NAV2: variants seen among roughly 807,000 people sequenced by gnomAD.
NAV2 encodes neuron navigator 2, also known as helicase, APC down-regulated 1.
Under a neutral mutation model 223.2 loss-of-function variants are expected in NAV2, and 54 were observed. The observed-to-expected ratio is 0.24, with a 90% confidence interval of 0.19 to 0.30. The LOEUF (loss-of-function observed/expected upper bound fraction) is 0.30, where lower values mean the gene tolerates loss of function less well. Among genes scored for constraint, NAV2 ranks in the 10% least tolerant of loss-of-function variants. The pLI, the probability that NAV2 is intolerant of heterozygous loss-of-function variation, is 1.00. For missense variants in NAV2, 2,806 were observed against 3,147.5 expected, an observed-to-expected ratio of 0.89 and a Z score of 2.60; for synonymous variants, 1,279 against 1,239.3, an observed-to-expected ratio of 1.03 and a Z score of -0.67.
chr11:19,879,970 C>T lies in NAV2; in HGVS notation c.613C>T (p.Pro205Ser). Residue 205 changes from proline (P) to serine (S), a missense_variant, in exon 5 of 38, where the codon CCT becomes TCT. By Grantham distance (74) the Pro-to-Ser change is moderately conservative (BLOSUM62 -1). Around this residue, in one of 4 missense-constraint regions of NAV2, gnomAD observed 1,167 missense variants for 1,180.5 expected, o/e 0.99. Coordinates refer to ENST00000349880, the MANE Select transcript of NAV2 (RefSeq NM_145117.5). Reference protein sequence around the residue: ...QQPQKQHLSSPLPPAVSQVAG... With the variant: ...QQPQKQHLSSSLPPAVSQVAG... ...GCCCCAGAAGCAGCACCTCTCCTCA[C>T]CTCTGCCGCCCGCCGTATCCCAGGT... The T allele has an allele frequency of 3.7e-6, 6 of 1,611,206 alleles. No homozygotes were observed. The highest frequency in any genetic ancestry group is 5.1e-6 in the Non-Finnish European group (6 of 1,178,898).
rs2063384013 is a variant in NAV2 at position 20,119,810 on chromosome 11, C to A, written c.*1552C>A. On this transcript the variant is annotated 3_prime_UTR_variant, in exon 38 of 38. Transcript: ENST00000349880. ...AGACTCATTTGTGTGGATGCGTGAC[C>A]ATGGGAAAAAGAAAAAAAAAAAGAT... 1 of 151,596 alleles carries A rather than the reference C, an allele frequency of 6.6e-6. No homozygotes were observed. 9.4% of individuals were successfully genotyped at this position (151,596 alleles called of 1,614,324 possible). A position where few individuals can be genotyped will look rare whatever the true frequency, so the allele number is the denominator to read the frequency against.
At chr11:19,842,180 C>T (rs899072421) in intron 2 of NAV2, among the ~76,000 whole-genome samples, 2 of 152,186 alleles carry the variant, frequency 1.3e-5, no homozygotes, top group Non-Finnish European at 2.9e-5. Flanking sequence ...ACTGCATTCA[C>T]CCAGGGAAGC....
intron 1 of NAV2, among the ~76,000 whole-genome samples, chr11:19,570,649 G>C (rs960018162): frequency 1.3e-5 from 2 of 152,126 alleles, no homozygotes; most frequent in Non-Finnish European, 2.9e-5. Context: ...TTTCTCCAAA[G>C]AAGATATACA....
upstream of NAV2, among the ~76,000 whole-genome samples, chr11:19,709,299 T>C (rs1185850206): frequency 6.6e-6 from 1 of 151,746 alleles, no homozygotes; most frequent in Non-Finnish European, 1.5e-5. Context: ...TCCCAGCACT[T>C]TGGGAGGCCA....
chr11:19,453,805 C>T (rs1217926051), intron 1 of NAV2, among the ~76,000 whole-genome samples: 2 of 152,180 alleles, frequency 1.3e-5, no homozygotes, highest in Non-Finnish European at 2.9e-5. Flanking sequence ...TAGGTTTTGT[C>T]TCCTGCTCAA....
intron 1 of NAV2, among the ~76,000 whole-genome samples, chr11:19,781,586 CT>C (rs890266518): frequency 1.3e-5 from 2 of 152,104 alleles, no homozygotes; most frequent in African/African-American, 4.8e-5. Flanking sequence ...CAAAGACCCC[CT>C]GGGCCTGTCC....
At chr11:19,642,475 C>G (rs554830259) in intron 1 of NAV2, among the ~76,000 whole-genome samples, 1 of 152,272 alleles carries the variant, frequency 6.6e-6, no homozygotes, top group African/African-American at 2.4e-5. Flanking sequence ...GGAGTTCCTC[C>G]CTGATCCTGG....
chr11:19,480,166 T>C (rs1213480411), intron 1 of NAV2, among the ~76,000 whole-genome samples: 1 of 152,140 alleles, frequency 6.6e-6, no homozygotes, highest in Non-Finnish European at 1.5e-5. Flanking sequence ...TAAACAAAAT[T>C]AAGCAGGTTT....
At chr11:19,963,898 C>T (rs933407792) in intron 10 of NAV2, among the ~76,000 whole-genome samples, 2 of 152,154 alleles carry the variant, frequency 1.3e-5, no homozygotes, top group Non-Finnish European at 2.9e-5. Flanking sequence ...CGCGATGTGG[C>T]TTCCTGTTGT....
At chr11:19,488,460 C>A (rs1023673833) in intron 1 of NAV2, among the ~76,000 whole-genome samples, 31 of 152,144 alleles carry the variant, frequency 2.0e-4, no homozygotes, top group Admixed American at 2.0e-3. Flanking sequence ...TGCTTAATCA[C>A]GTGGCACAAA....
chr11:19,439,915 G>A (rs1225577874), intron 1 of NAV2, among the ~76,000 whole-genome samples: 1 of 152,178 alleles, frequency 6.6e-6, no homozygotes, highest in Non-Finnish European at 1.5e-5. Flanking sequence ...GATAATGTGG[G>A]ATATTGAGAG....
intron 10 of NAV2, among the ~76,000 whole-genome samples, chr11:19,963,357 G>A (rs75038150): frequency 0.089 from 13,544 of 152,262 alleles, 654 homozygotes; most frequent in African/African-American, 0.11. Flanking sequence ...CATTCAGCCA[G>A]GCTGATTCAA....
Position 19,868,938 on chromosome 11 carries a change from ATGCCT to A in NAV2, c.453_457del (p.Asp151GlufsTer8), listed in dbSNP as rs1322146922. ...TTTCCCTCCTAGATTGAAAACATAG[ATGCCT>A]GCTTGAATTTCCTGGCAGCTAAGGG... On this transcript the variant is annotated frameshift_variant, in exon 4 of 38. Transcript: ENST00000349880. LOFTEE classifies it high-confidence loss of function. 1 of 1,613,832 alleles carries A rather than the reference ATGCCT, an allele frequency of 6.2e-7. No homozygotes were observed. Among genetic ancestry groups the A allele is most frequent in the Non-Finnish European group, 8.5e-7 (1 of 1,179,910 alleles).
intron 1 of NAV2, among the ~76,000 whole-genome samples, chr11:19,435,536 G>A (rs527299861): frequency 4.6e-5 from 7 of 152,230 alleles, no homozygotes; most frequent in South Asian, 4.1e-4. Flanking sequence ...TACAGTGAAC[G>A]TGGGAGTGCA....
chr11:19,601,513 C>G (rs190211151), intron 1 of NAV2, among the ~76,000 whole-genome samples: 2 of 152,166 alleles, frequency 1.3e-5, no homozygotes, highest in Non-Finnish European at 2.9e-5. Context: ...AACTGAGTGG[C>G]ATTTTTTCCT....
chr11:19,756,119 G>A (rs780111035), intron 1 of NAV2, among the ~76,000 whole-genome samples: 59 of 152,130 alleles, frequency 3.9e-4, no homozygotes, highest in Non-Finnish European at 6.8e-4. Flanking sequence ...TTGTTCTATG[G>A]GACGGGATGG....
intron 10 of NAV2, among the ~76,000 whole-genome samples, chr11:19,950,517 T>TGAACAAAA (rs1490543025): frequency 9.2e-5 from 14 of 152,272 alleles, no homozygotes; most frequent in African/African-American, 3.4e-4. Context: ...AGAGTTTATT[T>TGAACAAAA]CAAAATGAAT....
At chr11:19,837,151 G>A (rs2060280289) in intron 2 of NAV2, among the ~76,000 whole-genome samples, 1 of 152,146 alleles carries the variant, frequency 6.6e-6, no homozygotes, top group Non-Finnish European at 1.5e-5. Context: ...CCAATCTGGG[G>A]ACAGTGTGAA....
In NAV2 at chr11:19,582,793, G is replaced by A. The variant is rs2045763766; in HGVS notation, c.75+231766G>A. 2.6e-5 allele frequency among the ~76,000 whole-genome samples: 4 copies of A among 152,162 alleles called. No homozygotes were observed. In the South Asian group the frequency reaches 6.2e-4, roughly 24 times the overall value. ...GCCTTGTAGTATAGTTTGAAGTCAGGTAGTGTGATGTCTCCAGCTTTGTTC... is the reference window on the plus strand; with the variant it reads ...GCCTTGTAGTATAGTTTGAAGTCAGATAGTGTGATGTCTCCAGCTTTGTTC... On this transcript the variant is annotated intron_variant, in intron 1 of 37. Coordinates refer to the NAV2 transcript ENST00000360655.
Sources: allele counts gnomAD v4.1 joint callset (sites outside exome capture counted in the v4.1 genomes callset), GRCh38; gene constraint gnomAD v4.1.1; regional missense constraint gnomAD v4.1.1; transcripts MANE v1.5; gene names NCBI Gene and HGNC (gene_info 2026-07-23, HGNC 2026-07-21).